The following RANBP2 variants were observed in gnomAD, a reference collection of about 807,000 sequenced individuals.
RANBP2 encodes E3 SUMO-protein ligase RanBP2.
Under a neutral mutation model 303.6 loss-of-function variants are expected in RANBP2, and 57 were observed. The observed-to-expected ratio is 0.19, with a 90% CI of 0.15 to 0.23. RANBP2 has a LOEUF of 0.23. RANBP2 is among the 10% of genes least tolerant of loss of function. The pLI, the probability that RANBP2 is intolerant of heterozygous loss-of-function variation, is 1.00. For synonymous variants in RANBP2, 1,167 were observed against 1,301.5 expected (o/e 0.90, Z 2.23); for missense variants, 3,138 against 3,780.8 (o/e 0.83, Z 4.46).
the RANBP2 span, among the ~76,000 whole-genome samples, chr2:108,952,270 G>T: frequency 1.3e-5 from 2 of 152,174 alleles, no homozygotes; most frequent in Non-Finnish European, 2.9e-5. Context: ...TAAATAATGG[G>T]TTCATGTGAA....
chr2:109,141,739 C>G, the RANBP2 span, among the ~76,000 whole-genome samples: 5 of 152,116 alleles, frequency 3.3e-5, no homozygotes, highest in Non-Finnish European at 5.9e-5. Context: ...TTTCTAGACC[C>G]CGGGGAACAA....
chr2:109,321,722 C>A, the RANBP2 span, among the ~76,000 whole-genome samples: 1 of 152,230 alleles, frequency 6.6e-6, no homozygotes, highest in Non-Finnish European at 1.5e-5. Flanking sequence ...CCGTGCAACT[C>A]AAGTATAGAC....
chr2:109,456,053 G>A, the RANBP2 span, among the ~76,000 whole-genome samples: 3 of 152,236 alleles, frequency 2.0e-5, no homozygotes, highest in African/African-American at 4.8e-5. Context: ...ATCAGGTGCA[G>A]CCACAGTCTG....
the RANBP2 span, among the ~76,000 whole-genome samples, chr2:109,388,744 T>A: frequency 2.4e-4 from 37 of 152,336 alleles, no homozygotes; most frequent in Admixed American, 2.4e-3. Flanking sequence ...TAGGCTCTAA[T>A]CCTCAGACCT....
the RANBP2 span, among the ~76,000 whole-genome samples, chr2:109,736,633 G>A: frequency 9.0e-4 from 137 of 152,236 alleles, no homozygotes; most frequent in African/African-American, 3.2e-3. Flanking sequence ...AGACGTGATT[G>A]TGCCTCGAGA....
Position 108,772,948 on chromosome 2 carries a change from C to T in RANBP2, c.8194C>T (p.Pro2732Ser). The change falls in exon 23 of 29, where the codon CCA becomes TCA. Residue 2732 changes from proline (P) to serine (S), a missense_variant. Physicochemically the swap from Pro to Ser is moderately conservative, Grantham distance 74. This residue lies in a region of RANBP2 where 497 missense variants were observed against 465.8 expected (regional missense o/e 1.07). Coordinates refer to ENST00000283195, the MANE Select transcript of RANBP2 (RefSeq NM_006267.5). ...GGCAAAAGCAGATACGTTAAAACTT[C>T]CACCTACATTTTTTTGTGGAGTCTG... ...EKAKADTLKL[P>S]PTFFCGVCSD... 6.2e-7 allele frequency: 1 copy of T among 1,613,960 alleles called. No homozygotes were observed. Among genetic ancestry groups the T allele is most frequent in the Non-Finnish European group, 8.5e-7 (1 of 1,179,942 alleles).
At chr2:109,602,091 G>A in the RANBP2 span, among the ~76,000 whole-genome samples, 806 of 152,268 alleles carry the variant, frequency 5.3e-3, 5 homozygotes, top group Non-Finnish European at 8.1e-3. Context: ...TCAGACCCTG[G>A]AAGGGTTCCA....
At chr2:109,718,717 C>T in the RANBP2 span, among the ~76,000 whole-genome samples, 6 of 152,074 alleles carry the variant, frequency 3.9e-5, no homozygotes, top group Non-Finnish European at 5.9e-5. Flanking sequence ...CAGTGGCTCA[C>T]GCCTGTAATC....
chr2:109,391,891 G>A, the RANBP2 span, among the ~76,000 whole-genome samples: 65 of 151,986 alleles, frequency 4.3e-4, no homozygotes, highest in Non-Finnish European at 8.8e-5. Context: ...CCAGGCTGAA[G>A]TGCAGTGGCG....
chr2:109,200,542 C>G, the RANBP2 span, among the ~76,000 whole-genome samples: 1 of 152,168 alleles, frequency 6.6e-6, no homozygotes, highest in Admixed American at 6.5e-5. Context: ...GCAGAGCCTC[C>G]AGGCTCCCGG....
the RANBP2 span, among the ~76,000 whole-genome samples, chr2:109,641,839 C>G: frequency 2.0e-5 from 3 of 152,008 alleles, no homozygotes; most frequent in African/African-American, 7.2e-5. Flanking sequence ...AAGTTTCACT[C>G]TTGTTGCCCA....
chr2:108,736,619 G>A (rs1695609199), intron 6 of RANBP2, among the ~76,000 whole-genome samples: 1 of 152,114 alleles, frequency 6.6e-6, no homozygotes, highest in Admixed American at 6.6e-5. Context: ...TCATCAGATG[G>A]CTAGGTTCAC....
chr2:108,895,902 T>C, the RANBP2 span: 2 of 152,226 alleles, frequency 1.3e-5, no homozygotes, highest in African/African-American at 4.8e-5. Flanking sequence ...AAATCTAGAA[T>C]TATGCGTGGC....
At chr2:109,321,713 C>T in the RANBP2 span, among the ~76,000 whole-genome samples, 5 of 152,334 alleles carry the variant, frequency 3.3e-5, no homozygotes, top group African/African-American at 9.6e-5. Flanking sequence ...GGCCCCCTGC[C>T]GTGCAACTCA....
chr2:108,851,223 A>G, the RANBP2 span, among the ~76,000 whole-genome samples: 8 of 152,128 alleles, frequency 5.3e-5, no homozygotes, highest in Non-Finnish European at 1.2e-4. Context: ...CTGGAGCACC[A>G]CGCTCCAGAA....
the RANBP2 span, among the ~76,000 whole-genome samples, chr2:109,706,333 A>G: frequency 6.6e-6 from 1 of 152,210 alleles, no homozygotes; most frequent in South Asian, 2.1e-4. Context: ...CTCCAGTGTC[A>G]CTTCCACTTC....
chr2:109,563,258 CA>C, the RANBP2 span, among the ~76,000 whole-genome samples: 1 of 152,096 alleles, frequency 6.6e-6, no homozygotes, highest in Non-Finnish European at 1.5e-5. Context: ...GAAGTGAAAA[CA>C]TTAATTAACT....
the RANBP2 span, among the ~76,000 whole-genome samples, chr2:109,212,127 C>T: frequency 6.6e-6 from 1 of 152,166 alleles, no homozygotes; most frequent in African/African-American, 2.4e-5. Flanking sequence ...GGCAATGGTC[C>T]GAATCGAGCC....
At chr2:109,075,593 A>AAG in the RANBP2 span, among the ~76,000 whole-genome samples, 1 of 149,650 alleles carries the variant, frequency 6.7e-6, no homozygotes, top group African/African-American at 2.4e-5. Context: ...AAAAAAAAAA[A>AAG]AAAGGAAGAA....
Sources: gnomAD v4.1 joint callset for allele counts (sites outside exome capture counted in the v4.1 genomes callset) on GRCh38, gnomAD v4.1.1 for gene constraint, gnomAD v4.1.1 regional missense constraint, MANE v1.5 for transcripts, NCBI Gene and HGNC (gene_info 2026-07-23, HGNC 2026-07-21) for gene names.